Variants in FBXL20 observed in about 807,000 individuals in gnomAD.
FBXL20 encodes the protein F-box and leucine rich repeat protein 20, also known as F-box/LRR-repeat protein 20.
In FBXL20, 11 loss-of-function variants were observed where a neutral mutation model predicts 64.0. The ratio of observed to expected loss-of-function variants is 0.17; its 90% CI spans 0.11 to 0.28. The LOEUF is 0.28. Among genes scored for constraint, FBXL20 ranks in the 10% least tolerant of loss-of-function variants. The probability of loss-of-function intolerance (pLI) is 1.00; values close to 1 mark genes in which losing one functional copy is unlikely to be tolerated. For synonymous variants in FBXL20, 184 were observed against 189.0 expected, an observed-to-expected ratio of 0.97 and a Z score of 0.22; for missense variants, 303 against 526.2, an observed-to-expected ratio of 0.58 and a Z score of 4.15.
chr17:39,269,989 C>T (rs145996607), intron 11 of FBXL20, among the ~76,000 whole-genome samples: 1 of 152,166 alleles, frequency 6.6e-6, no homozygotes, highest in East Asian at 1.9e-4. Flanking sequence ...TAAAAGCAAA[C>T]GACCATCCCC....
chr17:39,386,427 C>T (rs1465535852), intron 1 of FBXL20, among the ~76,000 whole-genome samples: 1 of 152,014 alleles, frequency 6.6e-6, no homozygotes, highest in African/African-American at 2.4e-5. Flanking sequence ...GTCAGGAGTT[C>T]GAGACCAGCC....
At position 39,304,209 on chromosome 17, in the gene FBXL20, A is replaced by G. The variant is rs567509378; in HGVS notation, c.105-570T>C. ...CACCAAAGGATAATAAATAATCTCT[A>G]GCTGGTTTTTTTAAAGTAAAAAAAA... On this transcript the variant is annotated intron_variant, in intron 2 of 14. Transcript: ENST00000264658. Among the ~76,000 whole-genome samples the G allele has an allele frequency of 2.0e-5, 3 of 152,204 alleles. No homozygotes were observed. In the East Asian group the frequency reaches 5.8e-4, roughly 29 times the overall value.
chr17:39,333,974 C>G (rs953130325), intron 2 of FBXL20, among the ~76,000 whole-genome samples: 6 of 152,104 alleles, frequency 3.9e-5, no homozygotes, highest in Non-Finnish European at 5.9e-5. Context: ...GGAGGTATAC[C>G]CAACAGCTCA....
chr17:39,377,852 G>A (rs185836637), intron 1 of FBXL20, among the ~76,000 whole-genome samples: 71 of 152,262 alleles, frequency 4.7e-4, no homozygotes, highest in Admixed American at 1.6e-3. Flanking sequence ...CGGGCAAGGT[G>A]AACTCCTTGA....
intron 1 of FBXL20, among the ~76,000 whole-genome samples, chr17:39,344,043 T>C (rs1011399839): frequency 1.3e-5 from 2 of 152,126 alleles, no homozygotes; most frequent in Non-Finnish European, 2.9e-5. Context: ...TTTGTATTTT[T>C]AGTAGAGGTG....
intron 2 of FBXL20, among the ~76,000 whole-genome samples, chr17:39,340,278 G>A (rs997712651): frequency 6.6e-6 from 1 of 152,162 alleles, no homozygotes; most frequent in African/African-American, 2.4e-5. Flanking sequence ...TGTATTTTTA[G>A]TAGAGATGGG....
At chr17:39,369,652 T>C (rs1344807945) in intron 1 of FBXL20, among the ~76,000 whole-genome samples, 3 of 151,664 alleles carry the variant, frequency 2.0e-5, no homozygotes, top group Non-Finnish European at 4.4e-5. Flanking sequence ...TGCCCAGCTA[T>C]GTGTTTATTT....
chr17:39,273,839 G>A (rs903122653), intron 10 of FBXL20, among the ~76,000 whole-genome samples: 3 of 146,158 alleles, frequency 2.1e-5, no homozygotes, highest in African/African-American at 2.5e-5. Flanking sequence ...AAAAAAAGGC[G>A]ATAATAGTGC....
chr17:39,389,832 A>C (rs1186939941), intron 1 of FBXL20, among the ~76,000 whole-genome samples: 1 of 152,120 alleles, frequency 6.6e-6, no homozygotes, highest in East Asian at 1.9e-4. Context: ...TAAACAAATA[A>C]ATAAATAAAT....
chr17:39,258,204 C>G lies in FBXL20; in HGVS notation c.*3256G>C, dbSNP rs1401891768. On this transcript the variant is annotated 3_prime_UTR_variant, in exon 15 of 15. Transcript: ENST00000264658. Reference sequence around the variant, plus strand: ...TTAGCTTTTCCTGTAAAGAATTTTTCCTACATTAAGCCTTACTGAATTTTC... The same window carrying G: ...TTAGCTTTTCCTGTAAAGAATTTTTGCTACATTAAGCCTTACTGAATTTTC... 6.6e-6 allele frequency: 1 copy of G among 152,060 alleles called. No homozygotes were observed. Among genetic ancestry groups the G allele is most frequent in the Non-Finnish European group, 1.5e-5 (1 of 68,014 alleles). The allele number at this position is 152,060 out of a possible 1,614,324, so 9.4% of individuals were successfully genotyped here. A position where few individuals can be genotyped will look rare whatever the true frequency, so the allele number is the denominator to read the frequency against.
intron 1 of FBXL20, among the ~76,000 whole-genome samples, chr17:39,350,500 C>G (rs1012718681): frequency 1.1e-5 from 1 of 92,954 alleles, no homozygotes; most frequent in Non-Finnish European, 2.3e-5. Context: ...AAAACAAAAA[C>G]AAAAACAAAA....
At chr17:39,287,139 C>T (rs1216755472) in intron 6 of FBXL20, among the ~76,000 whole-genome samples, 1 of 151,978 alleles carries the variant, frequency 6.6e-6, no homozygotes, top group Non-Finnish European at 1.5e-5. Context: ...TCTTGAACTC[C>T]TGACCTTGTG....
At chr17:39,293,424 T>C (rs989729962) in intron 6 of FBXL20, among the ~76,000 whole-genome samples, 14 of 151,950 alleles carry the variant, frequency 9.2e-5, no homozygotes, top group African/African-American at 3.4e-4. Flanking sequence ...GGTTTCACCA[T>C]GTTGGCCAGG....
intron 7 of FBXL20, among the ~76,000 whole-genome samples, chr17:39,284,412 G>A (rs553181811): frequency 3.9e-5 from 6 of 152,054 alleles, no homozygotes; most frequent in Non-Finnish European, 7.4e-5. Flanking sequence ...ATGAGGTCTC[G>A]TTCTGTTGCC....
At chr17:39,277,754 C>CAAAA (rs34095802) in intron 9 of FBXL20, among the ~76,000 whole-genome samples, 3 of 89,922 alleles carry the variant, frequency 3.3e-5, no homozygotes, top group African/African-American at 4.6e-5. Context: ...AACTCCGTCT[C>CAAAA]AAAAAAAAAA....
Position 39,360,380 on chromosome 17 carries a change from C to T in FBXL20, c.43-17139G>A, listed in dbSNP as rs146355389. On this transcript the variant is annotated intron_variant, in intron 1 of 14. Coordinates refer to ENST00000264658, the MANE Select transcript of FBXL20 (RefSeq NM_032875.3). ...GAACTGTACACTTGAAATTGCTTTA[C>T]GTGGTACATCTTATGCATATTTTAT... 1.1e-4 allele frequency among the ~76,000 whole-genome samples: 16 copies of T among 152,090 alleles called. No individual in the cohort carries two copies. In the East Asian group the frequency reaches 1.5e-3, roughly 15 times the overall value.
chr17:39,373,502 C>T (rs890529106), intron 1 of FBXL20, among the ~76,000 whole-genome samples: 1 of 152,138 alleles, frequency 6.6e-6, no homozygotes, highest in Non-Finnish European at 1.5e-5. Flanking sequence ...GATCTTCCAA[C>T]CTGGTTTCTT....
rs2046707274 is a variant in FBXL20 at position 39,257,667 on chromosome 17, C to T, written c.*3793G>A. The T allele has an allele frequency of 6.6e-6, 1 of 152,236 alleles. No homozygotes were observed. Among genetic ancestry groups the T allele is most frequent in the African/African-American group, 2.4e-5 (1 of 41,460 alleles). The allele number at this position is 152,236 out of a possible 1,614,324, so 9.4% of individuals were successfully genotyped here. On this transcript the variant is annotated 3_prime_UTR_variant, in exon 15 of 15. Coordinates refer to ENST00000264658, the MANE Select transcript of FBXL20 (RefSeq NM_032875.3). Reference sequence around the variant, plus strand: ...TTCAGTATGCAAACACCAAAGACCACCCAATGAAAAATGGCCTGAGCCACC... The same window carrying T: ...TTCAGTATGCAAACACCAAAGACCATCCAATGAAAAATGGCCTGAGCCACC...
At chr17:39,297,712 T>C (rs1320894108) in intron 5 of FBXL20, among the ~76,000 whole-genome samples, 2 of 152,040 alleles carry the variant, frequency 1.3e-5, no homozygotes, top group Non-Finnish European at 2.9e-5. Context: ...AATGCTGTGA[T>C]TACAGGTGTG....
Sources: gnomAD v4.1 joint callset for allele counts (sites outside exome capture counted in the v4.1 genomes callset) on GRCh38, gnomAD v4.1.1 for gene constraint, MANE v1.5 for transcripts, NCBI Gene and HGNC (gene_info 2026-07-23, HGNC 2026-07-21) for gene names.